SLC9A9: variants seen among roughly 807,000 people sequenced by gnomAD.
The protein encoded by SLC9A9 is solute carrier family 9 member A9.
In SLC9A9, 62 loss-of-function variants were observed where a neutral mutation model predicts 77.8. The observed-to-expected ratio is 0.80, with a 90% CI of 0.65 to 0.98. SLC9A9 has a LOEUF of 0.98. Ranked by LOEUF, SLC9A9 falls within the 50% of genes least tolerant of loss-of-function variation. The pLI is 0.00. For synonymous variants in SLC9A9, 320 were observed against 283.5 expected, an observed-to-expected ratio of 1.13 and a Z score of -1.29; for missense variants, 775 against 774.9, an observed-to-expected ratio of 1.00 and a Z score of 0.00.
At chr3:143,556,177 T>C (rs1372247045) in intron 8 of SLC9A9, among the ~76,000 whole-genome samples, 1 of 152,222 alleles carries the variant, frequency 6.6e-6, no homozygotes, top group Admixed American at 6.5e-5. Flanking sequence ...TGAGTCCTAA[T>C]TGTGAAGCTG....
chr3:143,334,507 G>A (rs1479353992), intron 14 of SLC9A9, among the ~76,000 whole-genome samples: 1 of 152,210 alleles, frequency 6.6e-6, no homozygotes, highest in Non-Finnish European at 1.5e-5. Flanking sequence ...TTTGGTTCAT[G>A]ACCCAATTTG....
chr3:143,355,913 A>G (rs981166561), intron 14 of SLC9A9, among the ~76,000 whole-genome samples: 4 of 152,216 alleles, frequency 2.6e-5, no homozygotes, highest in African/African-American at 9.6e-5. Flanking sequence ...ATTTGTGTAA[A>G]TCTAGATCTT....
chr3:143,610,878 T>C (rs1203395029), intron 6 of SLC9A9, among the ~76,000 whole-genome samples: 1 of 152,180 alleles, frequency 6.6e-6, no homozygotes, highest in Non-Finnish European at 1.5e-5. Flanking sequence ...AGCTTAGAAC[T>C]TGCCCCTGCT....
intron 9 of SLC9A9, among the ~76,000 whole-genome samples, chr3:143,512,286 C>T (rs1235879344): frequency 2.0e-5 from 3 of 152,170 alleles, no homozygotes; most frequent in East Asian, 1.9e-4. Context: ...TGAGCAATTA[C>T]ACTTACTAGA....
chr3:143,724,409 C>G (rs1041322871), intron 4 of SLC9A9, among the ~76,000 whole-genome samples: 3 of 152,162 alleles, frequency 2.0e-5, no homozygotes, highest in Non-Finnish European at 2.9e-5. Context: ...TCATAAATTA[C>G]CCAGTCTCAG....
intron 4 of SLC9A9, among the ~76,000 whole-genome samples, chr3:143,729,495 T>A (rs1934747764): frequency 6.6e-6 from 1 of 152,206 alleles, no homozygotes; most frequent in Non-Finnish European, 1.5e-5. Context: ...TCTCCTCCAC[T>A]GGGCCAGGCC....
intron 14 of SLC9A9, among the ~76,000 whole-genome samples, chr3:143,296,512 T>C (rs2030275291): frequency 1.3e-5 from 2 of 152,270 alleles, no homozygotes; most frequent in Admixed American, 6.5e-5. Context: ...TGAATAATGC[T>C]GCAATGAACA....
intron 4 of SLC9A9, among the ~76,000 whole-genome samples, chr3:143,766,945 T>G (rs2007338017): frequency 6.6e-6 from 1 of 152,170 alleles, no homozygotes; most frequent in South Asian, 2.1e-4. Context: ...CTAGTTATTG[T>G]TTTGCAAATT....
At chr3:143,535,236 C>T (rs1018642344) in intron 9 of SLC9A9, among the ~76,000 whole-genome samples, 1 of 152,106 alleles carries the variant, frequency 6.6e-6, no homozygotes, top group African/African-American at 2.4e-5. Flanking sequence ...AATAGACAGA[C>T]TGGAGCAAGT....
At chr3:143,338,075 A>G (rs193299695) in intron 14 of SLC9A9, among the ~76,000 whole-genome samples, 3 of 152,312 alleles carry the variant, frequency 2.0e-5, no homozygotes, top group Admixed American at 1.3e-4. Context: ...ATATACTCAC[A>G]TATCTTTGGA....
chr3:143,482,043 G>A (rs1372181788), intron 11 of SLC9A9, among the ~76,000 whole-genome samples: 1 of 152,088 alleles, frequency 6.6e-6, no homozygotes, highest in Non-Finnish European at 1.5e-5. Context: ...CACTGGGAAA[G>A]GTGGTCTACA....
At chr3:143,613,854 C>G (rs1369309262) in intron 6 of SLC9A9, among the ~76,000 whole-genome samples, 1 of 151,984 alleles carries the variant, frequency 6.6e-6, no homozygotes, top group Admixed American at 6.6e-5. Flanking sequence ...TATTGTAACT[C>G]ATTTATTCTT....
chr3:143,652,750 A>T (rs899966585), intron 5 of SLC9A9, among the ~76,000 whole-genome samples: 2 of 145,458 alleles, frequency 1.4e-5, no homozygotes, highest in Non-Finnish European at 3.0e-5. Flanking sequence ...TTCCTCGTCC[A>T]CTTGCTACCA....
At chr3:143,514,305 T>G (rs2036168295) in intron 9 of SLC9A9, among the ~76,000 whole-genome samples, 1 of 152,042 alleles carries the variant, frequency 6.6e-6, no homozygotes, top group Non-Finnish European at 1.5e-5. Context: ...GCTTTGTTGG[T>G]CCATATATAG....
At chr3:143,593,347 A>T (rs767378483) in intron 6 of SLC9A9, among the ~76,000 whole-genome samples, 1 of 152,200 alleles carries the variant, frequency 6.6e-6, no homozygotes, top group African/African-American at 2.4e-5. Flanking sequence ...CATTCTCACC[A>T]TCTGATGGAT....
chr3:143,773,999 T>C (rs2007613560), intron 4 of SLC9A9, among the ~76,000 whole-genome samples: 1 of 152,194 alleles, frequency 6.6e-6, no homozygotes, highest in East Asian at 1.9e-4. Context: ...TAAAAGTTTT[T>C]CAAATGCAAA....
At chr3:143,805,740 T>C (rs568747187) in intron 2 of SLC9A9, among the ~76,000 whole-genome samples, 217 of 152,208 alleles carry the variant, frequency 1.4e-3, no homozygotes, top group African/African-American at 4.8e-3. Flanking sequence ...CGCTCCTGCC[T>C]GCCAGAGAAC....
chr3:143,408,229 G>A (rs549933144), intron 12 of SLC9A9, among the ~76,000 whole-genome samples: 40 of 152,314 alleles, frequency 2.6e-4, no homozygotes, highest in African/African-American at 9.6e-4. Context: ...TCAGTCCATA[G>A]CAGTAGGTAC....
intron 1 of SLC9A9, among the ~76,000 whole-genome samples, chr3:143,843,558 G>C (rs1304626037): frequency 6.6e-6 from 1 of 152,164 alleles, no homozygotes. Flanking sequence ...CCACTAAACA[G>C]TGGCCACAAT....
Sources: allele counts gnomAD v4.1 joint callset (sites outside exome capture counted in the v4.1 genomes callset), GRCh38; gene constraint gnomAD v4.1.1; transcripts MANE v1.5; gene names NCBI Gene and HGNC (gene_info 2026-07-23, HGNC 2026-07-21).